Variants in DNAH3 observed in about 807,000 individuals in gnomAD.
DNAH3 encodes dynein axonemal heavy chain 3, also known as axonemal beta dynein heavy chain 3.
A neutral mutation model predicts 432.5 loss-of-function variants in DNAH3; 332 were observed. That is an observed-to-expected ratio of 0.77 (90% CI 0.70 to 0.84). The LOEUF is 0.84. DNAH3 is among the 40% of genes least tolerant of loss of function. DNAH3 has a pLI of 0.00. For missense variants in DNAH3, 4,861 were observed against 5,114.0 expected (o/e 0.95, Z 1.51); for synonymous variants, 1,956 against 1,900.2 (o/e 1.03, Z -0.76).
At chr16:21,027,196 C>T (rs2088614442) in intron 37 of DNAH3, 69 bp from the exon 38 acceptor site, 1 of 1,097,624 alleles carries the variant, frequency 9.1e-7, no homozygotes, top group East Asian at 2.4e-5. Flanking sequence ...TAAGAGGTCT[C>T]AGTGCAGACA....
Position 21,134,446 on chromosome 16 carries a change from T to C in DNAH3, c.895A>G (p.Ile299Val), listed in dbSNP as rs1336397544. ...TTTCTCTCCATTGGGTCCATGAGGA[T>C]GTAATCAACTACAACCGGAAAGGGC... Residue 299 changes from isoleucine (I) to valine (V), a missense_variant, in exon 7 of 62, where the codon ATC becomes GTC. Coordinates refer to ENST00000261383, the Ensembl canonical transcript of DNAH3. 4 of 1,613,676 alleles carry C rather than the reference T, an allele frequency of 2.5e-6. No individual in the cohort carries two copies. In the Admixed American group the frequency reaches 6.7e-5, roughly 27 times the overall value.
At chr16:20,944,443 A>T (rs2083952492) in intron 58 of DNAH3, 53 bp downstream of exon 58, 1 of 1,603,208 alleles carries the variant, frequency 6.2e-7, no homozygotes, top group African/African-American at 1.3e-5. Context: ...TGCCCACTGG[A>T]TGAAGAACTG....
intron 34 of DNAH3, among the ~76,000 whole-genome samples, chr16:21,037,381 A>G (rs2152729189): frequency 6.6e-6 from 1 of 152,318 alleles, no homozygotes; most frequent in South Asian, 2.1e-4. Context: ...CAAATATTTA[A>G]TAAGTCTGGA....
intron 40 of DNAH3, 35 bp downstream of exon 40, chr16:21,021,933 ACCC>A (rs139095918): frequency 6.2e-7 from 1 of 1,608,824 alleles, no homozygotes; most frequent in African/African-American, 1.3e-5. Flanking sequence ...AGGTAGACCC[ACCC>A]CCCATGTGGC....
intron 23 of DNAH3, among the ~76,000 whole-genome samples, chr16:21,068,766 A>G (rs958683869): frequency 2.0e-5 from 3 of 152,216 alleles, no homozygotes; most frequent in African/African-American, 4.8e-5. Context: ...TGGAATTCTA[A>G]AAGGATTCAC....
At chr16:20,968,844 T>C (rs924540281) in intron 52 of DNAH3, among the ~76,000 whole-genome samples, 4 of 151,516 alleles carry the variant, frequency 2.6e-5, no homozygotes, top group African/African-American at 9.7e-5. Context: ...TCCCTGTCTC[T>C]GTCTCTCTTC....
In DNAH3 at chr16:20,961,179, G is replaced by A. The variant is rs9926977; in HGVS notation, c.10601-1775C>T. Among the ~76,000 whole-genome samples, 838 of 152,276 alleles carry A rather than the reference G, an allele frequency of 5.5e-3. 11 individuals carry two copies. Among genetic ancestry groups the A allele is most frequent in the African/African-American group, 0.019 (794 of 41,556 alleles). ...TATGGTCTCTGTTACGAACTGCATC[G>A]TGTCCCTAGCAAAATTCATATGTTG... On this transcript the variant is annotated intron_variant, in intron 53 of 61. Coordinates refer to ENST00000261383, the Ensembl canonical transcript of DNAH3.
Position 20,952,550 on chromosome 16 carries a change from C to T in DNAH3, c.11072-1G>A, listed in dbSNP as rs754992503. ...TTGAATTCATAGGGAATATTCCACC[C>T]TGCGTGTGGGAGAGCAGAGAGAGGC... On this transcript the variant is annotated splice_acceptor_variant, in intron 55 of 61. Coordinates refer to ENST00000261383, the Ensembl canonical transcript of DNAH3. LOFTEE classifies it high-confidence loss of function. 1.9e-6 allele frequency: 3 copies of T among 1,590,726 alleles called. No homozygotes were observed. Among genetic ancestry groups the T allele is most frequent in the Non-Finnish European group, 2.6e-6 (3 of 1,159,236 alleles).
rs1334325144 is a variant in DNAH3, at chr16:21,000,650, C to T, written c.6127-132G>A. ...TTATGACCTTAGGCGAGTCTTTAAC[C>T]TCTCCATGGGCCTCAGTTTCTTCAT... On this transcript the variant is annotated intron_variant, in intron 42 of 61. Coordinates refer to ENST00000261383, the Ensembl canonical transcript of DNAH3. 6.9e-6 allele frequency: 5 copies of T among 728,950 alleles called. No individual in the cohort carries two copies. The African/African-American group carries it at 8.8e-5, about 13-fold the overall frequency. The allele number at this position is 728,950 out of a possible 1,614,324, so 45.2% of individuals were successfully genotyped here. A position where few individuals can be genotyped will look rare whatever the true frequency, so the allele number is the denominator to read the frequency against.
rs7191215 is a variant in DNAH3, at chr16:21,125,156, A to G, written c.1404+19T>C. 1,521,318 of 1,574,324 alleles carry G rather than the reference A, an allele frequency of 0.97. 735,145 individuals carry two copies. The highest frequency in any genetic ancestry group is 1 in the East Asian group (44,083 of 44,088). Reference sequence around the variant, plus strand: ...AGGTTATTCCCCTCAAAAGGTCCAAATGCAGGTCCCTGACTTACTTTGTGT... The same window carrying G: ...AGGTTATTCCCCTCAAAAGGTCCAAGTGCAGGTCCCTGACTTACTTTGTGT... On this transcript the variant is annotated intron_variant, in intron 9 of 61. Transcript: ENST00000261383.
At chr16:21,131,641 G>C (rs1225920324) in intron 7 of DNAH3, among the ~76,000 whole-genome samples, 3 of 151,918 alleles carry the variant, frequency 2.0e-5, no homozygotes, top group Non-Finnish European at 4.4e-5. Context: ...CCTGAGGTCG[G>C]GAGTTCGAGA....
chr16:21,150,624 G>A (rs927493350), intron 1 of DNAH3, 90 bp from the exon 2 acceptor site: 13 of 188,836 alleles, frequency 6.9e-5, no homozygotes, highest in African/African-American at 3.1e-4. Context: ...TAGTCCCCCA[G>A]CGGTGGCCAC....
chr16:21,080,035 G>A (rs1211109520), intron 20 of DNAH3, among the ~76,000 whole-genome samples: 1 of 152,156 alleles, frequency 6.6e-6, no homozygotes, highest in African/African-American at 2.4e-5. Context: ...AAAGTTTCTC[G>A]CCTGTAATCC....
At chr16:21,131,074 T>A (rs1207998961) in intron 7 of DNAH3, among the ~76,000 whole-genome samples, 2 of 152,302 alleles carry the variant, frequency 1.3e-5, no homozygotes, top group East Asian at 1.9e-4. Context: ...CGGTGGCTCA[T>A]GCCTGTAATC....
In DNAH3 at chr16:21,050,478, G is replaced by A. The variant is rs748589904; in HGVS notation, c.4239-460C>T. ...TTTTGAGACAGGTTCTCACTCTGTC[G>A]CCCAGGCTGGAGTGCAGAGGCATGG... is the stretch of plus-strand genomic sequence containing the variant. On this transcript the variant is annotated intron_variant, in intron 29 of 61. Coordinates refer to ENST00000261383, the Ensembl canonical transcript of DNAH3. 7.2e-5 allele frequency among the ~76,000 whole-genome samples: 11 copies of A among 151,776 alleles called. 1 individual carries two copies. The highest frequency in any genetic ancestry group is 5.8e-4 in the East Asian group (3 of 5,174).
At chr16:21,064,271 C>T (rs562066913) in intron 24 of DNAH3, among the ~76,000 whole-genome samples, 1 of 152,260 alleles carries the variant, frequency 6.6e-6, no homozygotes, top group South Asian at 2.1e-4. Flanking sequence ...AGACATGTGG[C>T]CCAAATACCT....
At chr16:20,965,507 T>G in intron 52 of DNAH3, 82 bp from the exon 53 acceptor site, 2 of 1,255,246 alleles carry the variant, frequency 1.6e-6, no homozygotes, top group South Asian at 2.0e-5. Flanking sequence ...CTGCTGGTAT[T>G]TGAGAAAAAA....
intron 35 of DNAH3, 82 bp from the exon 36 acceptor site, chr16:21,034,167 T>G: frequency 1.1e-6 from 1 of 892,536 alleles, no homozygotes; most frequent in South Asian, 1.5e-5. Flanking sequence ...CAATGAGGAA[T>G]GAGGGGTCAG....
intron 51 of DNAH3, among the ~76,000 whole-genome samples, chr16:20,974,160 T>C (rs1002478103): frequency 2.6e-5 from 4 of 151,796 alleles, no homozygotes; most frequent in African/African-American, 9.7e-5. Flanking sequence ...GCCGGGACCA[T>C]AGGTGCATGC....
Sources: allele counts gnomAD v4.1 joint callset (sites outside exome capture counted in the v4.1 genomes callset), GRCh38; gene constraint gnomAD v4.1.1; transcripts MANE v1.5; gene names NCBI Gene and HGNC (gene_info 2026-07-23, HGNC 2026-07-21).